The following STK3 variants were observed in gnomAD, a reference collection of about 807,000 sequenced individuals.
STK3 encodes the protein serine/threonine kinase 3.
Under a neutral mutation model 58.0 loss-of-function variants are expected in STK3, and 41 were observed. That is an observed-to-expected ratio of 0.71 (90% CI 0.55 to 0.92). The LOEUF is 0.92. Ranked by LOEUF, STK3 falls within the 40% of genes least tolerant of loss-of-function variation. The pLI, the probability that STK3 is intolerant of heterozygous loss-of-function variation, is 0.00. For missense variants in STK3, 479 were observed against 602.7 expected, an observed-to-expected ratio of 0.79 and a Z score of 2.15; for synonymous variants, 170 against 191.0, an observed-to-expected ratio of 0.89 and a Z score of 0.91.
intron 1 of STK3, chr8:98,437,635 C>T (rs944351682): frequency 7.2e-5 from 11 of 152,222 alleles, no homozygotes; most frequent in African/African-American, 2.4e-4. Context: ...CAGTCAGACA[C>T]CCATCGAACT....
chr8:98,864,096 G>C lies in STK3; in HGVS notation c.110+19551C>G, dbSNP rs185433959. On this transcript the variant is annotated intron_variant, in intron 3 of 12. Coordinates refer to the STK3 transcript ENST00000523601. The stretch of plus-strand genomic sequence containing the variant: ...TGCCTGTAGTCCCAGCTACTCCGGA[G>C]GCTGAGGCAGGAGAATGGCATGAAT... 4.6e-5 allele frequency among the ~76,000 whole-genome samples: 7 copies of C among 151,354 alleles called. No individual in the cohort carries two copies. The East Asian group carries it at 1.4e-3, about 30-fold the overall frequency.
At chr8:98,892,640 T>C (rs925160022) in intron 1 of STK3, among the ~76,000 whole-genome samples, 9 of 152,148 alleles carry the variant, frequency 5.9e-5, no homozygotes, top group African/African-American at 2.2e-4. Context: ...CCTACCTTTG[T>C]TCCCAAAGAC....
At chr8:98,927,321 C>T (rs1037191674) in intron 1 of STK3, among the ~76,000 whole-genome samples, 1 of 152,198 alleles carries the variant, frequency 6.6e-6, no homozygotes, top group African/African-American at 2.4e-5. Flanking sequence ...AATAACTTTT[C>T]TGTGATTCAT....
At chr8:98,450,921 C>T (rs574262229), downstream of STK3, among the ~76,000 whole-genome samples, 5 of 152,270 alleles carry the variant, frequency 3.3e-5, no homozygotes, top group Non-Finnish European at 4.4e-5. Context: ...TGTGGTCTAG[C>T]GGAAATGCAA....
intron 7 of STK3, among the ~76,000 whole-genome samples, chr8:98,586,774 A>C (rs1226034373): frequency 3.9e-5 from 6 of 151,902 alleles, no homozygotes; most frequent in East Asian, 3.8e-4. Context: ...ACAATTTCAG[A>C]TCCTGTTATT....
chr8:98,698,679 T>A (rs894718185), intron 6 of STK3, among the ~76,000 whole-genome samples: 7 of 152,184 alleles, frequency 4.6e-5, no homozygotes, highest in African/African-American at 1.7e-4. Context: ...TTTAAGAATG[T>A]TGAATATTGG....
chr8:98,840,764 G>A (rs1458794447), intron 3 of STK3, among the ~76,000 whole-genome samples: 1 of 151,786 alleles, frequency 6.6e-6, no homozygotes, highest in Non-Finnish European at 1.5e-5. Context: ...CCTAGTCTCT[G>A]TAAGTCAGAA....
chr8:98,489,078 C>T (rs932813073), intron 10 of STK3, among the ~76,000 whole-genome samples: 12 of 152,012 alleles, frequency 7.9e-5, no homozygotes, highest in Non-Finnish European at 1.3e-4. Flanking sequence ...GTGGGGCTCT[C>T]GATGCAGAAA....
At chr8:98,461,889 C>T (rs572450213) in intron 10 of STK3, among the ~76,000 whole-genome samples, 127 of 152,224 alleles carry the variant, frequency 8.3e-4, no homozygotes, top group African/African-American at 2.9e-3. Context: ...GGTTACATAA[C>T]GCTTTTGTCT....
the STK3 span, among the ~76,000 whole-genome samples, chr8:98,344,556 AAAAGGCAAT>A: frequency 6.6e-6 from 1 of 152,148 alleles, no homozygotes; most frequent in Non-Finnish European, 1.5e-5. Flanking sequence ...ACTCAGATGG[AAAAGGCAAT>A]ACATGGCTGG....
At chr8:98,699,752 T>G (rs1825373518) in intron 6 of STK3, among the ~76,000 whole-genome samples, 3 of 152,196 alleles carry the variant, frequency 2.0e-5, no homozygotes, top group Admixed American at 2.0e-4. Flanking sequence ...CCCGGCCGTG[T>G]GAGGTGTCAG....
At chr8:98,467,601 TG>T (rs1026597906) in intron 10 of STK3, among the ~76,000 whole-genome samples, 32 of 151,824 alleles carry the variant, frequency 2.1e-4, no homozygotes, top group African/African-American at 7.2e-4. Flanking sequence ...AATTTGCAGT[TG>T]AAGTAAAGCA....
At chr8:98,465,963 T>C (rs1351853908) in intron 10 of STK3, among the ~76,000 whole-genome samples, 1 of 152,200 alleles carries the variant, frequency 6.6e-6, no homozygotes, top group Non-Finnish European at 1.5e-5. Flanking sequence ...TCTGATATAT[T>C]GTAAGCAGCT....
chr8:98,933,121 T>C (rs1388439918), intron 1 of STK3, among the ~76,000 whole-genome samples: 1 of 152,232 alleles, frequency 6.6e-6, no homozygotes, highest in Non-Finnish European at 1.5e-5. Context: ...TGGCCTTTTC[T>C]AACTCTGCAG....
chr8:98,708,215 A>G (rs1587371286), intron 4 of STK3, among the ~76,000 whole-genome samples: 2 of 152,316 alleles, frequency 1.3e-5, no homozygotes, highest in South Asian at 4.1e-4. Flanking sequence ...ATAAGGAATC[A>G]TAATAGTGAT....
At position 98,727,949 on chromosome 8, in the gene STK3, T is replaced by C. The variant is rs554484575; in HGVS notation, c.352-20638A>G. ...CAATGGTTTCGAGAAACTTGGTGAA[T>C]ATGTAGCAATTTCTGAAATACTTAA... On this transcript the variant is annotated intron_variant, in intron 4 of 10. Coordinates refer to ENST00000419617, the MANE Select transcript of STK3 (RefSeq NM_006281.4). Among the ~76,000 whole-genome samples, 56 of 152,360 alleles carry C rather than the reference T, an allele frequency of 3.7e-4. 1 individual carries two copies. In the South Asian group the frequency reaches 0.011, roughly 31 times the overall value.
intron 3 of STK3, among the ~76,000 whole-genome samples, chr8:98,854,729 A>C (rs889244682): frequency 6.6e-6 from 1 of 152,214 alleles, no homozygotes; most frequent in African/African-American, 2.4e-5. Flanking sequence ...TCCCATGTTC[A>C]TGGATCAAAA....
intron 6 of STK3, among the ~76,000 whole-genome samples, chr8:98,678,559 TA>T (rs1465331047): frequency 6.6e-6 from 1 of 152,132 alleles, no homozygotes; most frequent in African/African-American, 2.4e-5. Flanking sequence ...ACAGAATGTA[TA>T]TGAAATTATT....
At chr8:98,926,980 AAGGGCCACAGCC>A (rs1286785558) in intron 1 of STK3, among the ~76,000 whole-genome samples, 1 of 152,234 alleles carries the variant, frequency 6.6e-6, no homozygotes, top group African/African-American at 2.4e-5. Context: ...TAGGCTGTGT[AAGGGCCACAGCC>A]AGGCAAAATG....
Sources: allele counts gnomAD v4.1 joint callset (sites outside exome capture counted in the v4.1 genomes callset), GRCh38; gene constraint gnomAD v4.1.1; transcripts MANE v1.5; gene names NCBI Gene and HGNC (gene_info 2026-07-23, HGNC 2026-07-21).